TLL1: variants seen among roughly 807,000 people sequenced by gnomAD.
TLL1 encodes tolloid-like protein 1.
TLL1 carries 49 observed loss-of-function variants against 128.2 expected under a neutral mutation model. The observed-to-expected ratio is 0.38, with a 90% CI of 0.30 to 0.48. TLL1 has a LOEUF of 0.48. Among genes scored for constraint, TLL1 ranks in the 20% least tolerant of loss-of-function variants. TLL1 has a pLI of 0.96. For synonymous variants in TLL1, 454 were observed against 418.8 expected, an observed-to-expected ratio of 1.08 and a Z score of -1.03; for missense variants, 1,123 against 1,242.0, an observed-to-expected ratio of 0.90 and a Z score of 1.44.
intron 14 of TLL1, among the ~76,000 whole-genome samples, chr4:166,057,942 C>A (rs1740108409): frequency 1.3e-5 from 2 of 152,120 alleles, no homozygotes; most frequent in African/African-American, 4.8e-5. Context: ...CAAACCATTT[C>A]ACACATATAT....
intron 6 of TLL1, among the ~76,000 whole-genome samples, chr4:166,004,938 CTGGG>C (rs1398478540): frequency 6.7e-6 from 1 of 148,724 alleles, no homozygotes; most frequent in East Asian, 2.0e-4. Context: ...CGATCGTTAA[CTGGG>C]TGGTGGCGGG....
rs531185650 is a variant in TLL1 at position 165,931,723 on chromosome 4, G to GA, written c.170-57648dup. 8.9e-3 allele frequency among the ~76,000 whole-genome samples: 755 copies of GA among 84,684 alleles called. 3 individuals are homozygous for GA. The highest frequency in any genetic ancestry group is 0.015 in the East Asian group (43 of 2,910). The allele number at this position is 84,684 out of a possible 152,430, so 55.6% of individuals were successfully genotyped here. On this transcript the variant is annotated intron_variant, in intron 1 of 20. Coordinates refer to ENST00000061240, the MANE Select transcript of TLL1 (RefSeq NM_012464.5). ...GACAGAGTAAGACTCTGTCTCAAAA[G>GA]AAAAAAAAAAGAAATTGCAATGATT...
At chr4:165,952,147 ATTC>A (rs2110941861) in intron 1 of TLL1, among the ~76,000 whole-genome samples, 1 of 152,256 alleles carries the variant, frequency 6.6e-6, no homozygotes, top group African/African-American at 2.4e-5. Flanking sequence ...TCACCAAATT[ATTC>A]TTACAAACTC....
At chr4:165,902,284 C>G (rs1169379763) in intron 1 of TLL1, among the ~76,000 whole-genome samples, 2 of 145,440 alleles carry the variant, frequency 1.4e-5, no homozygotes, top group African/African-American at 5.1e-5. Flanking sequence ...CAGGTGCCAC[C>G]AGGTTATGAA....
intron 1 of TLL1, 117 bp downstream of exon 1, chr4:165,874,190 C>T (rs1221353096): frequency 9.5e-6 from 12 of 1,268,046 alleles, no homozygotes; most frequent in Non-Finnish European, 9.1e-6. Flanking sequence ...CCCTCCGCCG[C>T]CCCTCCTTCT....
At chr4:165,900,027 C>G (rs942864318) in intron 1 of TLL1, among the ~76,000 whole-genome samples, 7 of 149,938 alleles carry the variant, frequency 4.7e-5, no homozygotes, top group Non-Finnish European at 1.0e-4. Flanking sequence ...TTATCAGGGA[C>G]TAGGATTGTA....
At chr4:165,963,665 C>A (rs143434688) in intron 1 of TLL1, among the ~76,000 whole-genome samples, 27 of 152,088 alleles carry the variant, frequency 1.8e-4, no homozygotes, top group Non-Finnish European at 1.3e-4. Context: ...CTGAAAGGAC[C>A]ATAATTGTCT....
At chr4:166,098,056 A>G (rs185665068) in intron 19 of TLL1, among the ~76,000 whole-genome samples, 486 of 152,098 alleles carry the variant, frequency 3.2e-3, no homozygotes, top group Non-Finnish European at 5.4e-3. Context: ...GGCTCTGGCC[A>G]GGTGTGGTGG....
At chr4:166,063,650 A>G (rs1187105348) in intron 15 of TLL1, among the ~76,000 whole-genome samples, 1 of 152,196 alleles carries the variant, frequency 6.6e-6, no homozygotes, top group East Asian at 1.9e-4. Flanking sequence ...ACCATGGAAT[A>G]CTATGCAGCC....
At chr4:165,999,672 C>A (rs1737060314) in intron 5 of TLL1, among the ~76,000 whole-genome samples, 1 of 151,146 alleles carries the variant, frequency 6.6e-6, no homozygotes, top group South Asian at 2.1e-4. Context: ...TGAGGTTTCA[C>A]CATGTTGCCC....
intron 9 of TLL1, among the ~76,000 whole-genome samples, chr4:166,032,495 T>C (rs1579650026): frequency 1.3e-5 from 2 of 152,108 alleles, no homozygotes; most frequent in East Asian, 3.8e-4. Flanking sequence ...TCTGTATCAA[T>C]GGACAAACTA....
At chr4:165,964,344 G>A (rs983812519) in intron 1 of TLL1, among the ~76,000 whole-genome samples, 1 of 152,198 alleles carries the variant, frequency 6.6e-6, no homozygotes, top group African/African-American at 2.4e-5. Flanking sequence ...AGTTAGTTAT[G>A]AGGATAATTA....
At chr4:165,993,327 TTATAAA>T (rs1043218578) in intron 3 of TLL1, among the ~76,000 whole-genome samples, 4 of 152,048 alleles carry the variant, frequency 2.6e-5, no homozygotes, top group African/African-American at 9.6e-5. Flanking sequence ...TAGAAAATAG[TTATAAA>T]TATATATAAA....
chr4:166,080,170 A>G (rs899671572), intron 18 of TLL1, among the ~76,000 whole-genome samples: 5 of 152,032 alleles, frequency 3.3e-5, no homozygotes, highest in African/African-American at 1.2e-4. Flanking sequence ...TGGCTTGTAT[A>G]TGGCCTCCAC....
At chr4:166,030,156 A>G (rs919702061) in intron 9 of TLL1, among the ~76,000 whole-genome samples, 3 of 151,952 alleles carry the variant, frequency 2.0e-5, no homozygotes, top group African/African-American at 2.4e-5. Context: ...AACACTTGTT[A>G]TTTTCTGTTG....
At position 166,071,277 on chromosome 4, in the gene TLL1, A is replaced by G. The variant is rs549106517; in HGVS notation, c.2189-3601A>G. Among the ~76,000 whole-genome samples, 6 of 152,052 alleles carry G rather than the reference A, an allele frequency of 3.9e-5. No individual in the cohort carries two copies. The South Asian group carries it at 1.0e-3, about 26-fold the overall frequency. Reference sequence around the variant, plus strand: ...ACTTCAGTGCCATCCAGTATGTATCATTCATAGACTGATGACCTCTGATAG... The same window carrying G: ...ACTTCAGTGCCATCCAGTATGTATCGTTCATAGACTGATGACCTCTGATAG... On this transcript the variant is annotated intron_variant, in intron 16 of 20. Coordinates refer to ENST00000061240, the MANE Select transcript of TLL1 (RefSeq NM_012464.5).
chr4:165,949,824 C>T (rs1375047869), intron 1 of TLL1, among the ~76,000 whole-genome samples: 2 of 152,072 alleles, frequency 1.3e-5, no homozygotes, highest in Non-Finnish European at 2.9e-5. Context: ...AGATACAATT[C>T]AAGGTGAGAT....
At chr4:165,930,866 A>C (rs1036419536) in intron 1 of TLL1, among the ~76,000 whole-genome samples, 2 of 152,228 alleles carry the variant, frequency 1.3e-5, no homozygotes, top group African/African-American at 4.8e-5. Flanking sequence ...CCAGAAAAAA[A>C]CATATGCATA....
At chr4:166,031,050 C>T (rs1738744523) in intron 9 of TLL1, 2 of 879,734 alleles carry the variant, frequency 2.3e-6, no homozygotes, top group Non-Finnish European at 2.7e-6. Context: ...TAAGTTAATA[C>T]CCATGTAAAA....
Sources: gnomAD v4.1 joint callset for allele counts (sites outside exome capture counted in the v4.1 genomes callset) on GRCh38, gnomAD v4.1.1 for gene constraint, MANE v1.5 for transcripts, NCBI Gene and HGNC (gene_info 2026-07-23, HGNC 2026-07-21) for gene names.